Variants in SMAP1 observed in about 807,000 individuals in gnomAD.
SMAP1 encodes small ArfGAP 1, also known as stromal membrane-associated protein 1.
A neutral mutation model predicts 58.5 loss-of-function variants in SMAP1; 24 were observed. That is an observed-to-expected ratio of 0.41 (90% confidence interval 0.30 to 0.58). The LOEUF (loss-of-function observed/expected upper bound fraction) is 0.58, where lower values mean the gene tolerates loss of function less well. SMAP1 is among the 20% of genes least tolerant of loss of function. The pLI is 0.29. For synonymous variants in SMAP1, 216 were observed against 196.6 expected (o/e 1.10, Z -0.82); for missense variants, 563 against 566.3 (o/e 0.99, Z 0.06).
At position 70,806,057 on chromosome 6, in the gene SMAP1, C is replaced by T. The variant is rs1022668308; in HGVS notation, c.576+7320C>T. ...TCTCTTCAGAGCTGTCAGACAGGCACGTTTAAGTCTGCAGAAGTTTCTGCT... is the reference window on the plus strand; with the variant it reads ...TCTCTTCAGAGCTGTCAGACAGGCATGTTTAAGTCTGCAGAAGTTTCTGCT... On this transcript the variant is annotated intron_variant, in intron 6 of 10. Coordinates refer to ENST00000370455, the MANE Select transcript of SMAP1 (RefSeq NM_001044305.3). Among the ~76,000 whole-genome samples the T allele has an allele frequency of 5.3e-5, 8 of 152,162 alleles. 1 individual carries two copies. The highest frequency in any genetic ancestry group is 4.1e-4 in the South Asian group (2 of 4,822).
chr6:70,787,746 T>A (rs1424601019), intron 4 of SMAP1, among the ~76,000 whole-genome samples: 2 of 151,272 alleles, frequency 1.3e-5, no homozygotes, highest in African/African-American at 4.9e-5. Context: ...AAAACCACAA[T>A]GAGATACCGT....
Position 70,732,475 on chromosome 6 carries a change from A to C in SMAP1, c.216A>C (p.Ser72=), listed in dbSNP as rs143442603. ...NLGVHISRVK[S]VNLDQWTAEQ... is the part of the protein sequence containing the mutation. ...GGGTTCATATATCCAGGGTCAAATC[A>C]GTCAACCTAGACCAATGGACAGCAG... Residue 72 remains serine, a synonymous_variant, in exon 2 of 11, where the codon TCA becomes TCC. Coordinates refer to ENST00000370455, the MANE Select transcript of SMAP1 (RefSeq NM_001044305.3). 1.2e-5 allele frequency: 20 copies of C among 1,612,202 alleles called. No individual in the cohort carries two copies. In the African/African-American group the frequency reaches 2.4e-4, roughly 19 times the overall value.
intron 1 of SMAP1, among the ~76,000 whole-genome samples, chr6:70,709,181 C>T (rs112828455): frequency 3.3e-5 from 5 of 151,990 alleles, no homozygotes; most frequent in Admixed American, 6.6e-5. Context: ...ACTGTACTTC[C>T]GCCATTGTGT....
At chr6:70,745,781 C>T (rs1264679689) in intron 2 of SMAP1, among the ~76,000 whole-genome samples, 10 of 152,138 alleles carry the variant, frequency 6.6e-5, no homozygotes, top group Admixed American at 1.3e-4. Flanking sequence ...GCCATTTTCA[C>T]GATACTGATT....
At chr6:70,811,715 A>G (rs1158419103) in intron 6 of SMAP1, among the ~76,000 whole-genome samples, 1 of 152,174 alleles carries the variant, frequency 6.6e-6, no homozygotes, top group Non-Finnish European at 1.5e-5. Flanking sequence ...ATACAGTACA[A>G]TGCCTGCAGA....
chr6:70,724,571 G>A (rs1768681594), intron 1 of SMAP1, among the ~76,000 whole-genome samples: 1 of 152,130 alleles, frequency 6.6e-6, no homozygotes. Context: ...CTTCATTTTA[G>A]GAAATGATTA....
chr6:70,764,513 C>T (rs940294002), intron 3 of SMAP1, among the ~76,000 whole-genome samples: 9 of 152,190 alleles, frequency 5.9e-5, no homozygotes, highest in Admixed American at 1.3e-4. Flanking sequence ...GAAAATCCTA[C>T]GGCCCTTAAG....
At chr6:70,856,517 C>T (rs1771429406) in intron 8 of SMAP1, among the ~76,000 whole-genome samples, 1 of 152,202 alleles carries the variant, frequency 6.6e-6, no homozygotes, top group Non-Finnish European at 1.5e-5. Flanking sequence ...TTTCTTGAAG[C>T]AGTAGTTGCT....
intron 1 of SMAP1, among the ~76,000 whole-genome samples, chr6:70,710,618 A>G (rs1768017099): frequency 6.6e-6 from 1 of 152,064 alleles, no homozygotes; most frequent in South Asian, 2.1e-4. Context: ...ATGAATGTGA[A>G]GGTGTAAGAC....
At chr6:70,733,661 C>T (rs1765512170) in intron 2 of SMAP1, among the ~76,000 whole-genome samples, 1 of 152,160 alleles carries the variant, frequency 6.6e-6, no homozygotes, top group South Asian at 2.1e-4. Flanking sequence ...TAGGCATGCA[C>T]CACCATGCCC....
intron 8 of SMAP1, among the ~76,000 whole-genome samples, chr6:70,853,171 G>A (rs1771253533): frequency 6.6e-6 from 1 of 151,494 alleles, no homozygotes; most frequent in African/African-American, 2.4e-5. Flanking sequence ...GGTAAATTAT[G>A]TTTTAAGTTA....
In SMAP1 at chr6:70,857,991, C is replaced by T. The variant is rs775846340; in HGVS notation, c.1031C>T (p.Ser344Leu). Residue 344 changes from serine to leucine, a missense_variant, in exon 10 of 11, where the codon TCG (serine) becomes TTG (leucine). By Grantham distance (145) the Ser-to-Leu change is moderately radical (BLOSUM62 -2). This residue lies in a region of SMAP1 where 494 missense variants were observed against 473.8 expected (regional missense o/e 1.04). Transcript: ENST00000370455. Reference protein sequence around the residue: ...QAPAAFQGFPSMGVPVPAAPG... With the variant: ...QAPAAFQGFPLMGVPVPAAPG... ...CCAGCTGCATTTCAGGGCTTTCCATCGATGGGCGTGCCTGTGCCTGCAGCT... is the reference window on the plus strand; with the variant it reads ...CCAGCTGCATTTCAGGGCTTTCCATTGATGGGCGTGCCTGTGCCTGCAGCT... The T allele has an allele frequency of 5.6e-6, 9 of 1,614,144 alleles. No homozygotes were observed. The highest frequency in any genetic ancestry group is 2.2e-5 in the South Asian group (2 of 91,078).
At chr6:70,749,014 T>TAG (rs1766163082) in intron 2 of SMAP1, among the ~76,000 whole-genome samples, 2 of 152,192 alleles carry the variant, frequency 1.3e-5, no homozygotes, top group African/African-American at 4.8e-5. Flanking sequence ...AATTGGCATA[T>TAG]TAGTGTGTTC....
At chr6:70,744,037 GTAATAC>G (rs1765918696) in intron 2 of SMAP1, among the ~76,000 whole-genome samples, 1 of 152,092 alleles carries the variant, frequency 6.6e-6, no homozygotes, top group Admixed American at 6.5e-5. Flanking sequence ...AATAAGGTCA[GTAATAC>G]TAATAGTTTT....
chr6:70,720,610 G>A (rs556653447), intron 1 of SMAP1, among the ~76,000 whole-genome samples: 16 of 152,230 alleles, frequency 1.1e-4, no homozygotes, highest in Non-Finnish European at 1.9e-4. Flanking sequence ...TTGTGCCTGG[G>A]CATCCAGGCG....
intron 10 of SMAP1, 55 bp downstream of exon 10, chr6:70,858,284 A>AT: frequency 1.0e-6 from 1 of 967,416 alleles, no homozygotes; most frequent in Non-Finnish European, 1.4e-6. Flanking sequence ...TTATTTTCTA[A>AT]ATCTTTTTTT....
intron 10 of SMAP1, chr6:70,859,369 G>A (rs1000898335): frequency 2.6e-6 from 4 of 1,549,092 alleles, no homozygotes; most frequent in Admixed American, 2.0e-5. Flanking sequence ...CACTCCATCA[G>A]TGCAATCTAC....
intron 2 of SMAP1, among the ~76,000 whole-genome samples, chr6:70,753,356 A>G (rs1176013489): frequency 6.6e-6 from 1 of 152,122 alleles, no homozygotes; most frequent in Non-Finnish European, 1.5e-5. Flanking sequence ...TTACTTTTGC[A>G]CTTTCAGTGA....
At chr6:70,848,260 A>C (rs1460410833) in intron 7 of SMAP1, among the ~76,000 whole-genome samples, 1 of 152,168 alleles carries the variant, frequency 6.6e-6, no homozygotes, top group Non-Finnish European at 1.5e-5. Flanking sequence ...ATCCACCTGA[A>C]TCCCTCCCTA....
Sources: gnomAD v4.1 joint callset for allele counts (sites outside exome capture counted in the v4.1 genomes callset) on GRCh38, gnomAD v4.1.1 for gene constraint, gnomAD v4.1.1 regional missense constraint, MANE v1.5 for transcripts, NCBI Gene and HGNC (gene_info 2026-07-23, HGNC 2026-07-21) for gene names.